TLL1: variants seen among roughly 807,000 people sequenced by gnomAD.
TLL1 encodes tolloid-like protein 1.
TLL1 carries 49 observed loss-of-function variants against 128.2 expected under a neutral mutation model. The observed-to-expected ratio is 0.38, with a 90% CI of 0.30 to 0.48. TLL1 has a LOEUF of 0.48. Ranked by LOEUF, TLL1 falls within the 20% of genes least tolerant of loss-of-function variation. TLL1 has a pLI of 0.96. For missense variants in TLL1, 1,123 were observed against 1,242.0 expected, an observed-to-expected ratio of 0.90 and a Z score of 1.44; for synonymous variants, 454 against 418.8, an observed-to-expected ratio of 1.08 and a Z score of -1.03.
Position 165,975,738 on chromosome 4 carries a change from C to T in TLL1, c.170-13643C>T, listed in dbSNP as rs72972272. On this transcript the variant is annotated intron_variant, in intron 1 of 20. Coordinates refer to ENST00000061240, the MANE Select transcript of TLL1 (RefSeq NM_012464.5). ...GTCAATGGGAAACTATTAGAAGCCT[C>T]TTTAGAAGTTGTAAGATGACCAGGC... is the stretch of plus-strand genomic sequence containing the variant. 6.0e-3 allele frequency among the ~76,000 whole-genome samples: 913 copies of T among 152,010 alleles called. 12 individuals carry two copies. The highest frequency in any genetic ancestry group is 0.02 in the African/African-American group (844 of 41,508).
At chr4:165,923,467 C>T (rs796173942) in intron 1 of TLL1, among the ~76,000 whole-genome samples, 16 of 89,332 alleles carry the variant, frequency 1.8e-4, no homozygotes, top group African/African-American at 6.2e-4. Context: ...CTTGCTCTGT[C>T]GCCCAGGCTG....
intron 1 of TLL1, among the ~76,000 whole-genome samples, chr4:165,963,219 A>T (rs186724665): frequency 1.8e-4 from 27 of 152,190 alleles, no homozygotes; most frequent in African/African-American, 6.0e-4. Flanking sequence ...ATTGGGTACT[A>T]TGCCAAATGC....
rs376768441 is a variant in TLL1 at position 165,989,385 on chromosome 4, A to G, written c.174A>G (p.Val58=). 3 of 1,610,342 alleles carry G rather than the reference A, an allele frequency of 1.9e-6. No homozygotes were observed. The African/African-American group carries it at 4.0e-5, about 22-fold the overall frequency. ...IDYKDPCKAA[V]FWGDIALDDE... The stretch of plus-strand genomic sequence containing the variant: ...ATTCAACTTTTCTTTTTTTAGCTGT[A>G]TTTTGGGGCGATATTGCCTTAGATG... The change falls in exon 2 of 21, where the codon GTA becomes GTG. Residue 58 remains valine (V), a synonymous_variant. Transcript: ENST00000061240.
chr4:165,937,559 T>C lies in TLL1; in HGVS notation c.170-51822T>C, dbSNP rs537693440. Among the ~76,000 whole-genome samples, 42 of 152,288 alleles carry C rather than the reference T, an allele frequency of 2.8e-4. 1 individual carries two copies. The highest frequency in any genetic ancestry group is 2.6e-3 in the Admixed American group (40 of 15,312). On this transcript the variant is annotated intron_variant, in intron 1 of 20. Transcript: ENST00000061240. ...AATATTTTCTTCTCTCTAACCCTCA[T>C]TTATTTTTATTCTGCAAGTGATTTT...
At chr4:165,964,763 C>G (rs1474434528) in intron 1 of TLL1, among the ~76,000 whole-genome samples, 1 of 152,022 alleles carries the variant, frequency 6.6e-6, no homozygotes, top group African/African-American at 2.4e-5. Flanking sequence ...CTTGTCTCTA[C>G]AGAAACAAAA....
Position 166,103,153 on chromosome 4 carries a change from CA to C in TLL1, c.*2280del, listed in dbSNP as rs1235973169. ...ATGTTGAAACCCAGTTTATCTTATACAAATGAGCCTCTGCTTGTTCTACAAA... is the reference window on the plus strand; with the variant it reads ...ATGTTGAAACCCAGTTTATCTTATACAATGAGCCTCTGCTTGTTCTACAAA... On this transcript the variant is annotated 3_prime_UTR_variant, in exon 21 of 21. Transcript: ENST00000061240. 6.6e-6 allele frequency: 1 copy of C among 151,826 alleles called. No homozygotes were observed. The highest frequency in any genetic ancestry group is 1.5e-5 in the Non-Finnish European group (1 of 67,868). The allele number at this position is 151,826 out of a possible 1,614,324, so 9.4% of individuals were successfully genotyped here.
chr4:165,945,217 G>C (rs1734190200), intron 1 of TLL1, among the ~76,000 whole-genome samples: 1 of 152,136 alleles, frequency 6.6e-6, no homozygotes, highest in South Asian at 2.1e-4. Context: ...GGCAAGAGAA[G>C]TTTTAGTGAT....
chr4:166,081,852 G>A lies in TLL1; in HGVS notation c.2442+3822G>A, dbSNP rs191831381. Among the ~76,000 whole-genome samples the A allele has an allele frequency of 3.3e-5, 5 of 151,822 alleles. No individual in the cohort carries two copies. The East Asian group carries it at 7.8e-4, about 24-fold the overall frequency. ...GGAAGTAGAACTCCTGATATACCCC[G>A]GTTTTAAAAATAGCAATACTCAATC... On this transcript the variant is annotated intron_variant, in intron 18 of 20. Transcript: ENST00000061240.
At chr4:165,944,137 A>G (rs946908666) in intron 1 of TLL1, among the ~76,000 whole-genome samples, 11 of 152,188 alleles carry the variant, frequency 7.2e-5, no homozygotes, top group African/African-American at 2.7e-4. Context: ...AAGATTTTTT[A>G]AAATGTACTG....
intron 1 of TLL1, among the ~76,000 whole-genome samples, chr4:165,962,175 A>G (rs140877693): frequency 1.3e-5 from 2 of 152,316 alleles, no homozygotes; most frequent in African/African-American, 4.8e-5. Flanking sequence ...CAAACTGTTT[A>G]TCTAAAAAGG....
intron 8 of TLL1, among the ~76,000 whole-genome samples, chr4:166,015,970 T>C (rs143916839): frequency 1.2e-4 from 18 of 152,148 alleles, no homozygotes; most frequent in African/African-American, 3.6e-4. Context: ...TAAAACTTTT[T>C]GCATCATAAT....
intron 8 of TLL1, among the ~76,000 whole-genome samples, chr4:166,015,685 T>C (rs952700973): frequency 6.6e-6 from 1 of 151,972 alleles, no homozygotes; most frequent in Non-Finnish European, 1.5e-5. Context: ...AAGTGAGTTG[T>C]TTGAATAATC....
At chr4:165,998,370 A>C (rs1736983159) in intron 5 of TLL1, among the ~76,000 whole-genome samples, 1 of 152,090 alleles carries the variant, frequency 6.6e-6, no homozygotes, top group African/African-American at 2.4e-5. Context: ...TTTTTAATCT[A>C]CTTATCTTTA....
chr4:166,099,763 A>C (rs1013032010), intron 20 of TLL1, among the ~76,000 whole-genome samples: 7 of 152,138 alleles, frequency 4.6e-5, no homozygotes, highest in African/African-American at 1.7e-4. Context: ...CAGTAGGTAT[A>C]ATTTCTTGTC....
intron 1 of TLL1, among the ~76,000 whole-genome samples, chr4:165,946,189 G>T (rs114853494): frequency 0.013 from 1,924 of 152,200 alleles, 45 homozygotes; most frequent in African/African-American, 0.044. Flanking sequence ...ATGAGCTTGG[G>T]AGCTGAGCCT....
intron 20 of TLL1, 96 bp downstream of exon 20, chr4:166,099,623 T>C: frequency 6.8e-7 from 1 of 1,475,124 alleles, no homozygotes; most frequent in Non-Finnish European, 9.2e-7. Flanking sequence ...GCAATGCTTT[T>C]TGCAAAAAAA....
chr4:165,991,805 C>T (rs778351133), intron 2 of TLL1, among the ~76,000 whole-genome samples: 1 of 151,776 alleles, frequency 6.6e-6, no homozygotes, highest in Non-Finnish European at 1.5e-5. Flanking sequence ...TGTCTTAGCC[C>T]AAAGATACTC....
chr4:166,003,552 G>C lies in TLL1; in HGVS notation c.794G>C (p.Arg265Thr). ...CGAGATAACCACGTAACTATCATAAGAGAAAACATCCAGCCAGGTGAGAGG... is the reference window on the plus strand; with the variant it reads ...CGAGATAACCACGTAACTATCATAACAGAAAACATCCAGCCAGGTGAGAGG... ...PDRDNHVTIIRENIQPGQEYN... is the reference protein window; with the variant it reads ...PDRDNHVTIITENIQPGQEYN... Residue 265 changes from arginine (R) to threonine (T), a missense_variant, in exon 6 of 21, where the codon AGA (arginine) becomes ACA (threonine). Arg to Thr is a moderately conservative substitution (Grantham distance 71). This residue lies in a region of TLL1 where 480 missense variants were observed against 542.4 expected (regional missense o/e 0.89). Transcript: ENST00000061240. The C allele has an allele frequency of 1.2e-6, 2 of 1,613,936 alleles. No individual in the cohort carries two copies. The highest frequency in any genetic ancestry group is 1.7e-5 in the Admixed American group (1 of 59,994).
At chr4:165,932,644 C>T (rs1235990302) in intron 1 of TLL1, among the ~76,000 whole-genome samples, 1 of 144,898 alleles carries the variant, frequency 6.9e-6, no homozygotes, top group Non-Finnish European at 1.5e-5. Context: ...AGATTTTCTT[C>T]TTTTTTTTTT....
Sources: allele counts gnomAD v4.1 joint callset (sites outside exome capture counted in the v4.1 genomes callset), GRCh38; gene constraint gnomAD v4.1.1; regional missense constraint gnomAD v4.1.1; transcripts MANE v1.5; gene names NCBI Gene and HGNC (gene_info 2026-07-23, HGNC 2026-07-21).